The following ULK4 variants were observed in gnomAD, a reference collection of about 807,000 sequenced individuals.
ULK4 encodes the protein inactive serine/threonine-protein kinase ULK4.
Under a neutral mutation model 160.6 loss-of-function variants are expected in ULK4, and 133 were observed. That is an observed-to-expected ratio of 0.83 (90% CI 0.72 to 0.96). The LOEUF is 0.96. Ranked by LOEUF, ULK4 falls within the 40% of genes least tolerant of loss-of-function variation. ULK4 has a pLI of 0.00. For synonymous variants in ULK4, 534 were observed against 539.8 expected, an observed-to-expected ratio of 0.99 and a Z score of 0.15; for missense variants, 1,580 against 1,499.5, an observed-to-expected ratio of 1.05 and a Z score of -0.89.
intron 35 of ULK4, among the ~76,000 whole-genome samples, chr3:41,260,262 A>G (rs2078915676): frequency 6.6e-6 from 1 of 152,148 alleles, no homozygotes; most frequent in East Asian, 1.9e-4. Context: ...GCATGATGCA[A>G]TCTGGCAGGC....
chr3:41,614,090 C>T (rs2032838411), intron 31 of ULK4, among the ~76,000 whole-genome samples: 1 of 152,188 alleles, frequency 6.6e-6, no homozygotes, highest in South Asian at 2.1e-4. Context: ...TTCTGGTAAC[C>T]TACCAAAAGG....
chr3:41,431,547 C>CATTGTTTTTTTTT (rs563543377), intron 34 of ULK4, among the ~76,000 whole-genome samples: 1 of 95,854 alleles, frequency 1.0e-5, no homozygotes, highest in African/African-American at 4.2e-5. Flanking sequence ...AATTCCCTCC[C>CATTGTTTTTTTTT]TTTTTTTTTT....
intron 32 of ULK4, among the ~76,000 whole-genome samples, chr3:41,482,403 C>G (rs1052633051): frequency 6.6e-6 from 1 of 152,094 alleles, no homozygotes; most frequent in South Asian, 2.1e-4. Flanking sequence ...AGCTGGGTTA[C>G]GACAAGTATA....
At chr3:41,959,516 C>T (rs970121274) in intron 1 of ULK4, among the ~76,000 whole-genome samples, 5 of 151,386 alleles carry the variant, frequency 3.3e-5, no homozygotes, top group Non-Finnish European at 7.4e-5. Flanking sequence ...CAAGAGACTC[C>T]ATATCAAAAA....
intron 32 of ULK4, among the ~76,000 whole-genome samples, chr3:41,499,765 TG>T (rs1402134970): frequency 6.6e-6 from 1 of 152,186 alleles, no homozygotes; most frequent in Non-Finnish European, 1.5e-5. Context: ...AAAATGAGGT[TG>T]TCTATGGCTA....
At chr3:41,430,727 C>A (rs564751632) in intron 34 of ULK4, among the ~76,000 whole-genome samples, 4 of 152,134 alleles carry the variant, frequency 2.6e-5, no homozygotes, top group Admixed American at 1.3e-4. Context: ...GATAATTTTG[C>A]AGGCATTAAA....
chr3:41,557,603 C>CAAA (rs202007149), intron 32 of ULK4, among the ~76,000 whole-genome samples: 1 of 143,154 alleles, frequency 7.0e-6, no homozygotes, highest in African/African-American at 2.6e-5. Context: ...CTGTCTCCAC[C>CAAA]AAAAAAAAAA....
rs371265798 is a variant in ULK4 at position 41,903,033 on chromosome 3, T to A, written c.1183-2204A>T. ...GAACTGAGGGGACCAGTTAGCAGGT[T>A]ACTGCAAAGCCTGGATGGAAAGGAT... On this transcript the variant is annotated intron_variant, in intron 12 of 36. Transcript: ENST00000301831. Among the ~76,000 whole-genome samples the A allele has an allele frequency of 3.9e-4, 59 of 152,246 alleles. No homozygotes were observed. In the South Asian group the frequency reaches 0.011, roughly 29 times the overall value.
chr3:41,618,617 G>A (rs1037641979), intron 30 of ULK4, among the ~76,000 whole-genome samples: 3 of 152,176 alleles, frequency 2.0e-5, no homozygotes, highest in East Asian at 1.9e-4. Context: ...AGGAGCTCCT[G>A]AAGGAAGCAC....
At position 41,717,867 on chromosome 3, in the gene ULK4, T is replaced by C. The variant is rs914257025; in HGVS notation, c.2322-6A>G. ...TCTCGATGTACATCACCAGTCTACA[T>C]ACAGGAAAGTGCAAAGATTACCTCT... On this transcript the variant is annotated splice_polypyrimidine_tract_variant and splice_region_variant and intron_variant, in intron 22 of 36. Coordinates refer to ENST00000301831, the MANE Select transcript of ULK4 (RefSeq NM_017886.4). The C allele has an allele frequency of 7.4e-6, 12 of 1,613,482 alleles. No individual in the cohort carries two copies. The highest frequency in any genetic ancestry group is 2.2e-5 in the East Asian group (1 of 44,886).
intron 32 of ULK4, among the ~76,000 whole-genome samples, chr3:41,495,652 T>C (rs941375633): frequency 6.6e-6 from 1 of 150,612 alleles, no homozygotes; most frequent in African/African-American, 2.4e-5. Flanking sequence ...ACCTACAAAA[T>C]GGGAGAAAAT....
intron 27 of ULK4, among the ~76,000 whole-genome samples, chr3:41,693,552 A>T (rs2036382005): frequency 6.6e-6 from 1 of 152,226 alleles, no homozygotes; most frequent in Non-Finnish European, 1.5e-5. Flanking sequence ...GCAAAATGCA[A>T]AAGAACATAT....
intron 18 of ULK4, among the ~76,000 whole-genome samples, chr3:41,831,531 A>ATATATATATATATATATATATTTTTTTTT: frequency 7.2e-6 from 1 of 138,066 alleles, no homozygotes; most frequent in African/African-American, 2.8e-5. Context: ...ATATATATAT[A>ATATATATATATATATATATATTTTTTTTT]TTTTTTTTTC....
rs559125925 is a variant in ULK4 at position 41,830,513 on chromosome 3, G to A, written c.1764+5351C>T. Reference sequence around the variant, plus strand: ...GATAGGTTCATTTTCTGTATGTAGTGATGGTTTCATAGGTGTATACATAAA... The same window carrying A: ...GATAGGTTCATTTTCTGTATGTAGTAATGGTTTCATAGGTGTATACATAAA... On this transcript the variant is annotated intron_variant, in intron 18 of 36. Coordinates refer to ENST00000301831, the MANE Select transcript of ULK4 (RefSeq NM_017886.4). Among the ~76,000 whole-genome samples the A allele has an allele frequency of 2.0e-5, 3 of 152,110 alleles. No individual in the cohort carries two copies. In the South Asian group the frequency reaches 6.2e-4, roughly 32 times the overall value.
At chr3:41,474,219 T>C (rs1043796523) in intron 32 of ULK4, among the ~76,000 whole-genome samples, 5 of 152,158 alleles carry the variant, frequency 3.3e-5, no homozygotes, top group Non-Finnish European at 5.9e-5. Context: ...TGTAGCCAAT[T>C]GACTCTTGAC....
At chr3:41,415,051 C>CT (rs2082493787) in intron 34 of ULK4, among the ~76,000 whole-genome samples, 1 of 152,212 alleles carries the variant, frequency 6.6e-6, no homozygotes, top group African/African-American at 2.4e-5. Context: ...TCTGGGCCTC[C>CT]TGCACTGCCC....
At position 41,663,517 on chromosome 3, in the gene ULK4, T is replaced by C; in HGVS notation, c.3071+90A>G. Reference sequence around the variant, plus strand: ...TTTTGACAACTCAAACATTAGTCTTTTGGAATCTCATCTTTAATAACATTT... The same window carrying C: ...TTTTGACAACTCAAACATTAGTCTTCTGGAATCTCATCTTTAATAACATTT... On this transcript the variant is annotated intron_variant, in intron 30 of 36. Coordinates refer to ENST00000301831, the MANE Select transcript of ULK4 (RefSeq NM_017886.4). 3.3e-6 allele frequency: 4 copies of C among 1,227,398 alleles called. No individual in the cohort carries two copies. In the South Asian group the frequency reaches 5.1e-5, roughly 16 times the overall value. The allele number at this position is 1,227,398 out of a possible 1,614,324, so 76.0% of individuals were successfully genotyped here.
At chr3:41,484,743 C>T (rs1041996656) in intron 32 of ULK4, among the ~76,000 whole-genome samples, 17 of 152,132 alleles carry the variant, frequency 1.1e-4, no homozygotes, top group African/African-American at 2.4e-4. Flanking sequence ...TGAGCCACCG[C>T]GCCCGGCCCG....
At chr3:41,811,865 T>C (rs563844477) in intron 19 of ULK4, among the ~76,000 whole-genome samples, 1 of 152,346 alleles carries the variant, frequency 6.6e-6, no homozygotes, top group South Asian at 2.1e-4. Flanking sequence ...AATCTTATAC[T>C]GAGACTGTAA....
Sources: gnomAD v4.1 joint callset for allele counts (sites outside exome capture counted in the v4.1 genomes callset) on GRCh38, gnomAD v4.1.1 for gene constraint, MANE v1.5 for transcripts, NCBI Gene and HGNC (gene_info 2026-07-23, HGNC 2026-07-21) for gene names.